Variants in FAM114A2 observed in about 807,000 individuals in gnomAD.
FAM114A2 encodes the protein family with sequence similarity 114 member A2, also known as protein FAM114A2.
Under a neutral mutation model 58.4 loss-of-function variants are expected in FAM114A2, and 53 were observed. The observed-to-expected ratio is 0.91, with a 90% CI of 0.73 to 1.14. The LOEUF is 1.14. Ranked by LOEUF, FAM114A2 falls within the 50% of genes most tolerant of loss-of-function variation. The pLI is 0.00. For missense variants in FAM114A2, 601 were observed against 581.1 expected, an observed-to-expected ratio of 1.03 and a Z score of -0.35; for synonymous variants, 228 against 211.4, an observed-to-expected ratio of 1.08 and a Z score of -0.68.
At chr5:154,006,794 A>C (rs998877769) in intron 9 of FAM114A2, among the ~76,000 whole-genome samples, 23 of 127,514 alleles carry the variant, frequency 1.8e-4, no homozygotes, top group African/African-American at 6.9e-4. Flanking sequence ...TACCCAAAGG[A>C]GATTTTTTTT....
At chr5:154,027,781 G>T (rs1417207951) in intron 6 of FAM114A2, among the ~76,000 whole-genome samples, 1 of 152,084 alleles carries the variant, frequency 6.6e-6, no homozygotes, top group South Asian at 2.1e-4. Flanking sequence ...TATTACAGCC[G>T]TGAGCCACCG....
Position 154,034,937 on chromosome 5 carries a change from T to G in FAM114A2, c.17A>C (p.Asp6Ala), listed in dbSNP as rs775288748. The G allele has an allele frequency of 6.2e-7, 1 of 1,613,592 alleles. No homozygotes were observed. The highest frequency in any genetic ancestry group is 8.5e-7 in the Non-Finnish European group (1 of 1,179,554). Residue 6 changes from aspartate to alanine, a missense_variant, in exon 2 of 14, where the codon GAT becomes GCT. By Grantham distance (126) the Asp-to-Ala change is moderately radical (BLOSUM62 -2). Coordinates refer to ENST00000351797, the MANE Select transcript of FAM114A2 (RefSeq NM_018691.4). Reference protein sequence around the residue: MSDKDDIETPLLTEAA... With the variant: MSDKDAIETPLLTEAA... ...TTCAGTTAGCAGTGGAGTCTCAATA[T>G]CATCTTTATCTGACATGATTAGAAC... is the stretch of plus-strand genomic sequence containing the variant.
intron 8 of FAM114A2, among the ~76,000 whole-genome samples, chr5:154,018,716 A>C (rs1178399962): frequency 2.0e-5 from 3 of 152,226 alleles, no homozygotes; most frequent in African/African-American, 7.2e-5. Flanking sequence ...ACCATGATCA[A>C]GTGGGTTTCA....
chr5:154,027,350 G>C lies in FAM114A2; in HGVS notation c.631-16C>G. On this transcript the variant is annotated splice_polypyrimidine_tract_variant and intron_variant, in intron 6 of 13. Transcript: ENST00000351797. ...CTCGTAAAACCTAAAAAGAGATGGA[G>C]GCATTACACTGTAGCAAACAATGAG... 1.2e-6 allele frequency: 2 copies of C among 1,602,494 alleles called. No individual in the cohort carries two copies. The highest frequency in any genetic ancestry group is 1.7e-6 in the Non-Finnish European group (2 of 1,175,704).
chr5:154,034,142 T>C, intron 3 of FAM114A2, 136 bp downstream of exon 3: 1 of 635,386 alleles, frequency 1.6e-6, no homozygotes, highest in Non-Finnish European at 2.8e-6. Flanking sequence ...CAGCCCATCA[T>C]TACTAATGCA....
chr5:154,030,291 C>T (rs1427154539), intron 4 of FAM114A2, among the ~76,000 whole-genome samples: 1 of 152,072 alleles, frequency 6.6e-6, no homozygotes, highest in East Asian at 1.9e-4. Flanking sequence ...AAACAAAAAT[C>T]CATTAACTTA....
chr5:154,036,465 C>T (rs1476015589), intron 1 of FAM114A2: 1 of 152,186 alleles, frequency 6.6e-6, no homozygotes, highest in Non-Finnish European at 1.5e-5. Context: ...CATATGTACA[C>T]ACACGCTGTA....
intron 8 of FAM114A2, among the ~76,000 whole-genome samples, chr5:154,013,353 A>G (rs1291569719): frequency 6.6e-6 from 1 of 152,218 alleles, no homozygotes; most frequent in African/African-American, 2.4e-5. Context: ...CCAACATCAT[A>G]ACCAGAACCA....
intron 9 of FAM114A2, among the ~76,000 whole-genome samples, chr5:154,008,832 C>T (rs960330650): frequency 6.6e-6 from 1 of 152,132 alleles, no homozygotes; most frequent in Non-Finnish European, 1.5e-5. Context: ...AGATACATCT[C>T]ATAATTAAGG....
intron 4 of FAM114A2, among the ~76,000 whole-genome samples, chr5:154,030,803 C>A (rs13171784): frequency 0.084 from 12,781 of 152,252 alleles, 743 homozygotes; most frequent in Non-Finnish European, 0.12. Flanking sequence ...CTCCATAAGT[C>A]TGTACAAAGA....
intron 4 of FAM114A2, 119 bp from the exon 5 acceptor site, chr5:154,029,699 C>A: frequency 1.9e-6 from 1 of 521,962 alleles, no homozygotes; most frequent in Non-Finnish European, 3.5e-6. Flanking sequence ...AGGCCTTAGC[C>A]CTTTTTATCA....
chr5:153,992,894 C>T lies in FAM114A2; in HGVS notation c.*82G>A. On this transcript the variant is annotated 3_prime_UTR_variant, in exon 14 of 14. Transcript: ENST00000351797. ...ATTTTTATATACTAAAATAACCCCA[C>T]TCCTTCATTTCTGCAGGAGTAGCCA... is the stretch of plus-strand genomic sequence containing the variant. 7.8e-7 allele frequency: 1 copy of T among 1,281,054 alleles called. No homozygotes were observed. The highest frequency in any genetic ancestry group is 1.1e-6 in the Non-Finnish European group (1 of 923,698). The allele number at this position is 1,281,054 out of a possible 1,614,324, so 79.4% of individuals were successfully genotyped here. A position where few individuals can be genotyped will look rare whatever the true frequency, so the allele number is the denominator to read the frequency against.
Position 153,992,128 on chromosome 5 carries a change from A to G in FAM114A2, c.*848T>C, listed in dbSNP as rs1295743430. ...CTCAAACAAAAAAATCCTCATTGCT[A>G]AAACAGCTTCAACATTCCTTTGGAG... is the stretch of plus-strand genomic sequence containing the variant. On this transcript the variant is annotated 3_prime_UTR_variant, in exon 14 of 14. Transcript: ENST00000351797. 1 of 152,258 alleles carries G rather than the reference A, an allele frequency of 6.6e-6. No homozygotes were observed. Among genetic ancestry groups the G allele is most frequent in the Non-Finnish European group, 1.5e-5 (1 of 68,046 alleles). The allele number at this position is 152,258 out of a possible 1,614,324, so 9.4% of individuals were successfully genotyped here.
chr5:154,032,280 C>T (rs983861649), intron 4 of FAM114A2, among the ~76,000 whole-genome samples: 1 of 152,188 alleles, frequency 6.6e-6, no homozygotes, highest in Non-Finnish European at 1.5e-5. Context: ...CAGGTGCATC[C>T]TCAAACTTAG....
At chr5:154,012,053 T>C (rs1367549142) in intron 8 of FAM114A2, among the ~76,000 whole-genome samples, 1 of 151,986 alleles carries the variant, frequency 6.6e-6, no homozygotes, top group Non-Finnish European at 1.5e-5. Context: ...CTTTGGTGGC[T>C]GGGTGGAGAA....
At chr5:154,028,964 A>C (rs1771990350) in intron 5 of FAM114A2, among the ~76,000 whole-genome samples, 1 of 152,198 alleles carries the variant, frequency 6.6e-6, no homozygotes, top group Non-Finnish European at 1.5e-5. Context: ...AATTCAAACA[A>C]CACTTGTTAC....
At chr5:154,029,621 C>T in intron 4 of FAM114A2, 41 bp from the exon 5 acceptor site, 3 of 1,131,366 alleles carry the variant, frequency 2.7e-6, no homozygotes, top group South Asian at 1.3e-5. Flanking sequence ...AGGGAAGGTC[C>T]CTTAACTCTC....
chr5:154,035,136 A>G (rs1204671983), intron 1 of FAM114A2, among the ~76,000 whole-genome samples, 169 bp from the exon 2 acceptor site: 1 of 152,222 alleles, frequency 6.6e-6, no homozygotes, highest in Non-Finnish European at 1.5e-5. Flanking sequence ...ACTTACACAA[A>G]TATAATATCA....
chr5:154,022,040 G>C (rs1160992107), intron 8 of FAM114A2, among the ~76,000 whole-genome samples: 2 of 152,136 alleles, frequency 1.3e-5, no homozygotes, highest in African/African-American at 4.8e-5. Context: ...ACAAGCAATG[G>C]GGAAAGGATT....
Sources: gnomAD v4.1 joint callset for allele counts (sites outside exome capture counted in the v4.1 genomes callset) on GRCh38, gnomAD v4.1.1 for gene constraint, MANE v1.5 for transcripts, NCBI Gene and HGNC (gene_info 2026-07-23, HGNC 2026-07-21) for gene names.